DCC: variants seen among roughly 807,000 people sequenced by gnomAD.
The protein encoded by DCC is netrin receptor DCC.
Under a neutral mutation model 172.5 loss-of-function variants are expected in DCC, and 58 were observed. That is an observed-to-expected ratio of 0.34 (90% CI 0.27 to 0.42). The LOEUF (loss-of-function observed/expected upper bound fraction) is 0.42, where lower values mean the gene tolerates loss of function less well. DCC is among the 10% of genes least tolerant of loss of function. The probability of loss-of-function intolerance (pLI) is 1.00; values close to 1 mark genes in which losing one functional copy is unlikely to be tolerated. For synonymous variants in DCC, 709 were observed against 644.5 expected (o/e 1.10, Z -1.52); for missense variants, 1,740 against 1,791.0 (o/e 0.97, Z 0.51).
intron 15 of DCC, among the ~76,000 whole-genome samples, chr18:53,376,203 C>G (rs1907272553): frequency 6.6e-6 from 1 of 151,940 alleles, no homozygotes; most frequent in Admixed American, 6.6e-5. Flanking sequence ...AACAACCTGG[C>G]CAACATGGTG....
rs763224362 is a variant in DCC, at chr18:53,207,634, T to G, written c.1723-45T>G. 5 of 1,583,960 alleles carry G rather than the reference T, an allele frequency of 3.2e-6. No individual in the cohort carries two copies. The African/African-American group carries it at 6.7e-5, about 21-fold the overall frequency. ...GCACAGAATGAGTGCCATTTCTACT[T>G]TAATGTGCTTCCTTGATAACAGTTT... On this transcript the variant is annotated intron_variant, in intron 10 of 28. Coordinates refer to ENST00000442544, the MANE Select transcript of DCC (RefSeq NM_005215.4).
intron 2 of DCC, among the ~76,000 whole-genome samples, chr18:52,817,111 A>C (rs1261434513): frequency 1.3e-5 from 2 of 152,196 alleles, no homozygotes; most frequent in Admixed American, 1.3e-4. Context: ...TATTGTTGAC[A>C]ATTATTACTT....
intron 7 of DCC, among the ~76,000 whole-genome samples, chr18:53,140,392 A>T (rs1223126751): frequency 1.3e-5 from 2 of 152,200 alleles, no homozygotes; most frequent in East Asian, 3.8e-4. Flanking sequence ...ATGTTTCCGT[A>T]TGGGTGGCAT....
chr18:52,724,310 T>A (rs1766901444), intron 1 of DCC, among the ~76,000 whole-genome samples: 1 of 151,960 alleles, frequency 6.6e-6, no homozygotes, highest in Non-Finnish European at 1.5e-5. Context: ...CCACATCCTG[T>A]TATTTTATTA....
chr18:53,092,348 GTCTT>G (rs748952362), intron 7 of DCC, among the ~76,000 whole-genome samples: 13 of 152,078 alleles, frequency 8.5e-5, no homozygotes, highest in Non-Finnish European at 1.5e-4. Flanking sequence ...GTACCCTCTT[GTCTT>G]TCTTTCTATT....
chr18:52,842,800 A>C (rs373029990), intron 2 of DCC, among the ~76,000 whole-genome samples: 2 of 152,278 alleles, frequency 1.3e-5, no homozygotes, highest in African/African-American at 4.8e-5. Context: ...ATCTCCTTTC[A>C]TGCTTTCCTA....
intron 27 of DCC, chr18:53,505,273 G>A (rs569331935): frequency 2.4e-4 from 37 of 152,182 alleles, no homozygotes; most frequent in African/African-American, 8.7e-4. Context: ...AGGAAGCCAG[G>A]GGCTGACATC....
At chr18:53,272,962 C>T (rs1391383143) in intron 12 of DCC, among the ~76,000 whole-genome samples, 1 of 151,986 alleles carries the variant, frequency 6.6e-6, no homozygotes, top group African/African-American at 2.4e-5. Flanking sequence ...TATAAATTAA[C>T]CTAGTGAGAA....
intron 1 of DCC, among the ~76,000 whole-genome samples, chr18:52,358,573 C>G (rs1984481169): frequency 6.6e-6 from 1 of 152,182 alleles, no homozygotes; most frequent in Non-Finnish European, 1.5e-5. Flanking sequence ...TGAGCACTAG[C>G]ACGACTCTAC....
rs1224752567 is a variant in DCC at position 53,176,055 on chromosome 18, C to G, written c.1419-2907C>G. Reference sequence around the variant, plus strand: ...TACAACTATCTGATCTTTGACAAACCTGAGAAAAACAAGCAATGGGGAAAG... The same window carrying G: ...TACAACTATCTGATCTTTGACAAACGTGAGAAAAACAAGCAATGGGGAAAG... On this transcript the variant is annotated intron_variant, in intron 8 of 28. Coordinates refer to ENST00000442544, the MANE Select transcript of DCC (RefSeq NM_005215.4). 1.4e-4 allele frequency among the ~76,000 whole-genome samples: 20 copies of G among 147,914 alleles called. No homozygotes were observed. The South Asian group carries it at 4.4e-3, about 33-fold the overall frequency.
At chr18:53,337,684 T>G (rs553163291) in intron 14 of DCC, among the ~76,000 whole-genome samples, 1 of 152,370 alleles carries the variant, frequency 6.6e-6, no homozygotes, top group East Asian at 1.9e-4. Flanking sequence ...TCTGTCGATG[T>G]GGCAACTTTA....
intron 1 of DCC, among the ~76,000 whole-genome samples, chr18:52,611,685 C>T (rs1012575248): frequency 6.6e-6 from 1 of 152,210 alleles, no homozygotes; most frequent in African/African-American, 2.4e-5. Flanking sequence ...CCCATTCTGA[C>T]ACTAACTGCT....
At chr18:53,479,725 A>T (rs1284733774) in intron 25 of DCC, among the ~76,000 whole-genome samples, 1 of 152,224 alleles carries the variant, frequency 6.6e-6, no homozygotes, top group Non-Finnish European at 1.5e-5. Context: ...TATAAAAAGT[A>T]TACCAACTTA....
chr18:52,862,509 C>T (rs1402395719), intron 2 of DCC, among the ~76,000 whole-genome samples: 1 of 152,004 alleles, frequency 6.6e-6, no homozygotes, highest in Non-Finnish European at 1.5e-5. Flanking sequence ...TGGAGACCAG[C>T]CTGTATGCTG....
At chr18:53,207,426 T>C (rs2055670525) in intron 10 of DCC, among the ~76,000 whole-genome samples, 1 of 152,202 alleles carries the variant, frequency 6.6e-6, no homozygotes, top group South Asian at 2.1e-4. Flanking sequence ...AACCATTCAG[T>C]ACATTGAGTA....
chr18:53,313,493 G>A (rs902969635), intron 13 of DCC, among the ~76,000 whole-genome samples: 7 of 152,130 alleles, frequency 4.6e-5, no homozygotes, highest in Non-Finnish European at 8.8e-5. Flanking sequence ...TGATTCGCCT[G>A]CCTCGGCCTC....
intron 1 of DCC, among the ~76,000 whole-genome samples, chr18:52,602,772 T>G (rs2034044546): frequency 6.6e-6 from 1 of 152,096 alleles, no homozygotes; most frequent in African/African-American, 2.4e-5. Flanking sequence ...GGATTTAGTT[T>G]ATTTTCAATG....
At chr18:52,830,196 G>A (rs566200440) in intron 2 of DCC, among the ~76,000 whole-genome samples, 41 of 152,294 alleles carry the variant, frequency 2.7e-4, no homozygotes, top group African/African-American at 8.4e-4. Context: ...TCCAACTCGC[G>A]GCCCCATGGG....
At chr18:53,305,539 C>T (rs753700110) in intron 12 of DCC, 39 bp from the exon 13 acceptor site, 1 of 1,569,538 alleles carries the variant, frequency 6.4e-7, no homozygotes, top group South Asian at 1.1e-5. Flanking sequence ...ATTGTCCTTT[C>T]TTTCTTCAAT....
Sources: gnomAD v4.1 joint callset for allele counts (sites outside exome capture counted in the v4.1 genomes callset) on GRCh38, gnomAD v4.1.1 for gene constraint, MANE v1.5 for transcripts, NCBI Gene and HGNC (gene_info 2026-07-23, HGNC 2026-07-21) for gene names.